JCAD: variants seen among roughly 807,000 people sequenced by gnomAD.
The protein encoded by JCAD is junctional cadherin 5 associated, also known as junctional cadherin 5-associated protein.
JCAD carries 40 observed loss-of-function variants against 98.0 expected under a neutral mutation model. The observed-to-expected ratio is 0.41, with a 90% CI of 0.32 to 0.53. The LOEUF is 0.53. Ranked by LOEUF, JCAD falls within the 20% of genes least tolerant of loss-of-function variation. The pLI is 0.31. For synonymous variants in JCAD, 691 were observed against 682.3 expected, an observed-to-expected ratio of 1.01 and a Z score of -0.20; for missense variants, 1,705 against 1,738.1, an observed-to-expected ratio of 0.98 and a Z score of 0.34.
chr10:30,056,105 T>G (rs901698516), intron 1 of JCAD, among the ~76,000 whole-genome samples: 1 of 152,204 alleles, frequency 6.6e-6, no homozygotes, highest in East Asian at 1.9e-4. Flanking sequence ...GATAAGATTT[T>G]TAAATCTTTT....
upstream of JCAD, among the ~76,000 whole-genome samples, chr10:30,062,925 C>G (rs1010360870): frequency 6.6e-6 from 1 of 152,060 alleles, no homozygotes; most frequent in Non-Finnish European, 1.5e-5. Context: ...TGAGTATGAG[C>G]AGGTGATTAA....
chr10:30,068,507 A>AG (rs1320968386), intron 2 of JCAD, among the ~76,000 whole-genome samples: 1 of 151,858 alleles, frequency 6.6e-6, no homozygotes, highest in Non-Finnish European at 1.5e-5. Flanking sequence ...CTGCTGGTGC[A>AG]GTACTGCATT....
rs1248303266 is a variant in JCAD at position 30,028,278 on chromosome 10, G to T, written c.1870C>A (p.Leu624Met). The stretch of plus-strand genomic sequence containing the variant: ...AGGTCGGTGGAAGACATGCTCAGCA[G>T]ACTCTGTTCTTGCAGAGCCGGGCTC... ...DKSPALQEQS[L>M]LSMSSTDLEL... Residue 624 changes from leucine (L) to methionine (M), a missense_variant, in exon 3 of 4, where the codon CTG becomes ATG. This residue lies in a region of JCAD where 1,278 missense variants were observed against 1,243.1 expected (regional missense o/e 1.03). Transcript: ENST00000375377. 1 of 1,614,184 alleles carries T rather than the reference G, an allele frequency of 6.2e-7. No individual in the cohort carries two copies. Among genetic ancestry groups the T allele is most frequent in the Admixed American group, 1.7e-5 (1 of 60,026 alleles).
At chr10:30,087,784 T>C (rs1003539713) in intron 1 of JCAD, among the ~76,000 whole-genome samples, 2 of 152,240 alleles carry the variant, frequency 1.3e-5, no homozygotes, top group African/African-American at 4.8e-5. Context: ...TATTACTTTT[T>C]CATTCCTATT....
At chr10:30,067,776 GT>G (rs1435726985) in intron 2 of JCAD, among the ~76,000 whole-genome samples, 1 of 152,170 alleles carries the variant, frequency 6.6e-6, no homozygotes, top group African/African-American at 2.4e-5. Context: ...ATGAGAATAC[GT>G]TCTGAGAATT....
chr10:30,094,570 C>T (rs1416224048), intron 1 of JCAD, among the ~76,000 whole-genome samples: 1 of 152,200 alleles, frequency 6.6e-6, no homozygotes, highest in African/African-American at 2.4e-5. Flanking sequence ...GCTGCTGCCA[C>T]AGTGCATGCA....
At chr10:30,093,995 T>C (rs1838327391) in intron 1 of JCAD, among the ~76,000 whole-genome samples, 1 of 152,204 alleles carries the variant, frequency 6.6e-6, no homozygotes, top group Non-Finnish European at 1.5e-5. Flanking sequence ...CTTTGTTACA[T>C]AACACTTTGC....
chr10:30,027,515 T>A lies in JCAD; in HGVS notation c.2633A>T (p.Asp878Val). The change falls in exon 3 of 4, where the codon GAT (aspartate) becomes GTT (valine). Residue 878 changes from aspartate to valine, a missense_variant. Physicochemically the swap from Asp to Val is radical, Grantham distance 152. Coordinates refer to ENST00000375377, the MANE Select transcript of JCAD (RefSeq NM_020848.4). ...QENRAHCRQEDVGFRGNSPEM... is the reference protein window; with the variant it reads ...QENRAHCRQEVVGFRGNSPEM... ...CGGGCTGTTTCCGCGGAAGCCCACATCCTCCTGTCTGCAGTGAGCACGGTT... is the reference window on the plus strand; with the variant it reads ...CGGGCTGTTTCCGCGGAAGCCCACAACCTCCTGTCTGCAGTGAGCACGGTT... 6.2e-7 allele frequency: 1 copy of A among 1,611,646 alleles called. No individual in the cohort carries two copies. Among genetic ancestry groups the A allele is most frequent in the Non-Finnish European group, 8.5e-7 (1 of 1,180,026 alleles).
At chr10:30,061,744 T>TC (rs1253986908), upstream of JCAD, among the ~76,000 whole-genome samples, 27 of 152,060 alleles carry the variant, frequency 1.8e-4, no homozygotes, top group East Asian at 4.4e-3. Context: ...TTTTTTTTTT[T>TC]TCTGGGGAGT....
intron 1 of JCAD, among the ~76,000 whole-genome samples, chr10:30,049,436 G>A (rs1444095332): frequency 1.3e-5 from 2 of 152,176 alleles, no homozygotes; most frequent in Non-Finnish European, 1.5e-5. Flanking sequence ...CTGCTTGCCT[G>A]TCCTCACTCT....
chr10:30,064,307 C>T (rs1416113560), upstream of JCAD, among the ~76,000 whole-genome samples: 1 of 152,104 alleles, frequency 6.6e-6, no homozygotes, highest in East Asian at 1.9e-4. Flanking sequence ...TGCCCTATAC[C>T]ACCTTAGGTT....
chr10:30,058,890 C>T (rs534133350), intron 1 of JCAD, among the ~76,000 whole-genome samples: 7 of 152,320 alleles, frequency 4.6e-5, no homozygotes, highest in African/African-American at 1.7e-4. Context: ...CCCTAATCCC[C>T]AGCGCAGACC....
chr10:30,090,280 G>A lies in JCAD; in HGVS notation n.129-20459C>T, dbSNP rs1838238409. Among the ~76,000 whole-genome samples, 5 of 152,338 alleles carry A rather than the reference G, an allele frequency of 3.3e-5. 1 individual carries two copies. In the South Asian group the frequency reaches 1.0e-3, roughly 32 times the overall value. On this transcript the variant is annotated intron_variant and non_coding_transcript_variant, in intron 1 of 2. Coordinates refer to the JCAD transcript ENST00000465712. The stretch of plus-strand genomic sequence containing the variant: ...GCACAGGCCAGTTGCGGAGGCTCAC[G>A]CCTGTAATCCCAACACTTTGGGAGG...
At chr10:30,067,084 T>C (rs1332828586) in intron 2 of JCAD, among the ~76,000 whole-genome samples, 1 of 151,642 alleles carries the variant, frequency 6.6e-6, no homozygotes, top group Non-Finnish European at 1.5e-5. Flanking sequence ...GTGGGAGGAT[T>C]GCTTAAGCCT....
intron 1 of JCAD, among the ~76,000 whole-genome samples, chr10:30,104,535 A>T (rs958980858): frequency 6.6e-6 from 1 of 152,222 alleles, no homozygotes; most frequent in African/African-American, 2.4e-5. Flanking sequence ...GCTCGTGGAC[A>T]TAAACATAGG....
chr10:30,034,244 A>AATG, intron 2 of JCAD, among the ~76,000 whole-genome samples: 1 of 151,224 alleles, frequency 6.6e-6, no homozygotes, highest in South Asian at 2.1e-4. Flanking sequence ...TAATAATAAT[A>AATG]ATAATGATAA....
chr10:30,073,076 T>C (rs142784116), intron 1 of JCAD, among the ~76,000 whole-genome samples: 40 of 152,342 alleles, frequency 2.6e-4, no homozygotes, highest in African/African-American at 9.4e-4. Flanking sequence ...TACAAAGTGA[T>C]TGATGGCCCC....
chr10:30,079,674 C>T (rs1325842012), intron 1 of JCAD, among the ~76,000 whole-genome samples: 1 of 152,150 alleles, frequency 6.6e-6, no homozygotes, highest in Non-Finnish European at 1.5e-5. Flanking sequence ...GCCACTCCTA[C>T]TGAAAGACTA....
intron 1 of JCAD, among the ~76,000 whole-genome samples, chr10:30,099,911 C>T (rs1178649577): frequency 6.6e-6 from 1 of 152,178 alleles, no homozygotes; most frequent in Non-Finnish European, 1.5e-5. Context: ...ATTCCGATTA[C>T]CTGCTACCTG....
Sources: allele counts gnomAD v4.1 joint callset (sites outside exome capture counted in the v4.1 genomes callset), GRCh38; gene constraint gnomAD v4.1.1; regional missense constraint gnomAD v4.1.1; transcripts MANE v1.5; gene names NCBI Gene and HGNC (gene_info 2026-07-23, HGNC 2026-07-21).